The following DMD variants were observed in gnomAD, a reference collection of about 807,000 sequenced individuals.
The protein encoded by DMD is mutant dystrophin.
DMD carries 63 observed loss-of-function variants against 330.1 expected under a neutral mutation model. The ratio of observed to expected loss-of-function variants is 0.19; its 90% CI spans 0.16 to 0.24. The LOEUF is 0.24. Ranked by LOEUF, DMD falls within the 10% of genes least tolerant of loss-of-function variation. The probability of loss-of-function intolerance (pLI) is 1.00; values close to 1 mark genes in which losing one functional copy is unlikely to be tolerated. For missense variants in DMD, 3,344 were observed against 2,684.1 expected, an observed-to-expected ratio of 1.25 and a Z score of -5.43; for synonymous variants, 1,223 against 959.8, an observed-to-expected ratio of 1.27 and a Z score of -5.07.
chrX:31,673,430 T>C (rs912818618), intron 53 of DMD, among the ~76,000 whole-genome samples: 22 of 110,643 alleles, frequency 2.0e-4, no homozygotes, highest in African/African-American at 5.9e-4. Context: ...CTGGCCAACA[T>C]AGTGAAACCC....
intron 63 of DMD, among the ~76,000 whole-genome samples, chrX:31,260,392 CA>C (rs2050392871): frequency 8.9e-6 from 1 of 112,056 alleles, no homozygotes; most frequent in South Asian, 3.7e-4. Flanking sequence ...TGTACCCATT[CA>C]AAATAATTCA....
intron 18 of DMD, among the ~76,000 whole-genome samples, chrX:32,506,636 G>T (rs2044657077): frequency 9.0e-6 from 1 of 111,639 alleles, no homozygotes; most frequent in African/African-American, 3.2e-5. Context: ...TGAAAACTCA[G>T]TTTTGTCTAA....
At chrX:31,178,626 T>C in intron 70 of DMD, 43 bp downstream of exon 70, 1 of 1,187,366 alleles carries the variant, frequency 8.4e-7, no homozygotes, top group East Asian at 3.0e-5. Context: ...GGAGTTCAAA[T>C]ATACATCAAA....
chrX:32,801,550 T>C (rs1202883984), intron 7 of DMD, among the ~76,000 whole-genome samples: 4 of 112,249 alleles, frequency 3.6e-5, no homozygotes, highest in Non-Finnish European at 7.5e-5. Context: ...TTCTTGCCAT[T>C]GCTTTTGGTG....
chrX:32,424,421 A>T (rs58831952), intron 29 of DMD, among the ~76,000 whole-genome samples: 16,664 of 110,980 alleles, frequency 0.15, 1,053 homozygotes, highest in African/African-American at 0.21. Context: ...TTAATTAATT[A>T]TCCTCAATGA....
At chrX:31,569,157 A>G (rs968872348) in intron 55 of DMD, among the ~76,000 whole-genome samples, 20 of 96,109 alleles carry the variant, frequency 2.1e-4, no homozygotes, top group Non-Finnish European at 3.5e-4. Flanking sequence ...TTTTACTCTC[A>G]TTTTTACCCA....
At chrX:31,632,484 T>A (rs776171693) in intron 54 of DMD, among the ~76,000 whole-genome samples, 1 of 112,188 alleles carries the variant, frequency 8.9e-6, no homozygotes, top group South Asian at 3.8e-4. Context: ...CTCAGTCTTC[T>A]GCTAAATAAC....
At chrX:31,308,923 T>TTC (rs2055260501) in intron 62 of DMD, among the ~76,000 whole-genome samples, 3 of 110,737 alleles carry the variant, frequency 2.7e-5, no homozygotes, top group Non-Finnish European at 3.8e-5. Context: ...AGAGACGGGG[T>TTC]TCACCATCTT....
intron 60 of DMD, among the ~76,000 whole-genome samples, chrX:31,378,670 T>C (rs1478131310): frequency 9.2e-6 from 1 of 108,721 alleles, no homozygotes; most frequent in Non-Finnish European, 1.9e-5. Flanking sequence ...TCTCTCCATG[T>C]CTCTACCCCT....
At chrX:31,459,127 A>C (rs183124430) in intron 59 of DMD, among the ~76,000 whole-genome samples, 33 of 111,323 alleles carry the variant, frequency 3.0e-4, no homozygotes, top group African/African-American at 1.0e-3. Flanking sequence ...AAACATGTGA[A>C]GACCAAAAAC....
intron 44 of DMD, among the ~76,000 whole-genome samples, chrX:32,158,332 T>C (rs1223274861): frequency 9.0e-6 from 1 of 110,739 alleles, no homozygotes; most frequent in Non-Finnish European, 1.9e-5. Context: ...CAGGAGTTTG[T>C]GACCAGACTC....
chrX:32,500,535 T>G (rs2148683117), intron 19 of DMD, among the ~76,000 whole-genome samples: 1 of 111,924 alleles, frequency 8.9e-6, no homozygotes, highest in African/African-American at 3.2e-5. Flanking sequence ...TTGCATCAGC[T>G]TATTAAAATG....
intron 45 of DMD, among the ~76,000 whole-genome samples, chrX:31,951,881 GT>G (rs1383734621): frequency 9.0e-6 from 1 of 110,868 alleles, no homozygotes; most frequent in East Asian, 2.8e-4. Context: ...GTTTTTTCTT[GT>G]AAGTCAGGTC....
chrX:31,627,516 C>T (rs1017798198), intron 55 of DMD, among the ~76,000 whole-genome samples, 157 bp downstream of exon 55: 27 of 111,815 alleles, frequency 2.4e-4, no homozygotes, highest in African/African-American at 8.8e-4. Flanking sequence ...TTTCCTTCTC[C>T]CTCTGCCTCT....
intron 54 of DMD, among the ~76,000 whole-genome samples, chrX:31,630,314 A>T (rs1395549190): frequency 8.9e-6 from 1 of 112,220 alleles, no homozygotes; most frequent in Non-Finnish European, 1.9e-5. Flanking sequence ...TTGTGGTCTG[A>T]AATATTGACA....
At chrX:31,815,717 TCTC>T (rs1272415883) in intron 50 of DMD, among the ~76,000 whole-genome samples, 1 of 111,732 alleles carries the variant, frequency 8.9e-6, no homozygotes, top group Non-Finnish European at 1.9e-5. Context: ...CGATGTGGCA[TCTC>T]CTCCTTTCAC....
intron 55 of DMD, among the ~76,000 whole-genome samples, chrX:31,529,292 G>A (rs1410155175): frequency 9.0e-6 from 1 of 110,672 alleles, no homozygotes; most frequent in Admixed American, 9.7e-5. Context: ...GGCTGAAGGA[G>A]GAGGATTGCT....
At chrX:31,752,746 G>A (rs1474535957) in intron 51 of DMD, among the ~76,000 whole-genome samples, 2 of 111,182 alleles carry the variant, frequency 1.8e-5, no homozygotes, top group Non-Finnish European at 3.8e-5. Flanking sequence ...CTTCTGGGAT[G>A]CAGAAAAACC....
intron 4 of DMD, among the ~76,000 whole-genome samples, chrX:32,836,926 G>A (rs1189106121): frequency 3.6e-5 from 4 of 111,515 alleles, no homozygotes; most frequent in East Asian, 5.6e-4. Flanking sequence ...ACAAGTTTAC[G>A]ACGAAGAGCA....
Sources: gnomAD v4.1 joint callset for allele counts (sites outside exome capture counted in the v4.1 genomes callset) on GRCh38, gnomAD v4.1.1 for gene constraint, MANE v1.5 for transcripts, NCBI Gene and HGNC (gene_info 2026-07-23, HGNC 2026-07-21) for gene names.